Variants in PLCB4 observed in about 807,000 individuals in gnomAD.
The protein encoded by PLCB4 is phospholipase C beta 4.
In PLCB4, 77 loss-of-function variants were observed where a neutral mutation model predicts 178.8. That is an observed-to-expected ratio of 0.43 (90% CI 0.36 to 0.52). The LOEUF (loss-of-function observed/expected upper bound fraction) is 0.52, where lower values mean the gene tolerates loss of function less well. Ranked by LOEUF, PLCB4 falls within the 20% of genes least tolerant of loss-of-function variation. PLCB4 has a pLI of 0.00. For missense variants in PLCB4, 1,024 were observed against 1,453.4 expected (o/e 0.70, Z 4.80); for synonymous variants, 496 against 490.8 (o/e 1.01, Z -0.14).
chr20:9,307,725 A>T (rs2094787583), intron 3 of PLCB4, 75 bp from the exon 4 acceptor site: 1 of 597,872 alleles, frequency 1.7e-6, no homozygotes, highest in East Asian at 3.1e-5. Flanking sequence ...GCAAACACAG[A>T]AATGCGAAGT....
chr20:9,437,118 G>A lies in PLCB4; in HGVS notation c.2730G>A (p.Thr910=), dbSNP rs141128673. Residue 910 remains threonine, a synonymous_variant, in exon 30 of 40, where the codon ACG becomes ACA. Transcript: ENST00000378473. The part of the protein sequence containing the change: ...QSSSELRPTT[T]AALASGVEAK... ...GCTCTGAGCTCAGACCAACCACCAC[G>A]GCTGCCCTGGCCTCTGGTGTGGAAG... 1.5e-5 allele frequency: 24 copies of A among 1,614,098 alleles called. No homozygotes were observed. The highest frequency in any genetic ancestry group is 4.0e-5 in the African/African-American group (3 of 75,022).
chr20:9,426,288 T>G (rs746892250), intron 28 of PLCB4, among the ~76,000 whole-genome samples: 3 of 152,138 alleles, frequency 2.0e-5, no homozygotes, highest in Admixed American at 6.5e-5. Flanking sequence ...AGAGAGCAAT[T>G]CTGAGAACAC....
chr20:9,430,290 T>G (rs962221728), intron 28 of PLCB4, among the ~76,000 whole-genome samples: 1 of 152,206 alleles, frequency 6.6e-6, no homozygotes, highest in African/African-American at 2.4e-5. Flanking sequence ...CCTGCTAACT[T>G]TAGCCTTGCT....
chr20:9,334,680 A>G (rs2148044764), intron 4 of PLCB4, among the ~76,000 whole-genome samples: 1 of 152,228 alleles, frequency 6.6e-6, no homozygotes, highest in South Asian at 2.1e-4. Flanking sequence ...GCTGCTTTGG[A>G]AATAAGCTAG....
chr20:9,338,507 C>CTA (rs369526757), intron 6 of PLCB4, among the ~76,000 whole-genome samples: 2 of 152,156 alleles, frequency 1.3e-5, no homozygotes, highest in African/African-American at 2.4e-5. Context: ...TAGTGCAACC[C>CTA]TGTCTCTACA....
chr20:9,108,871 T>G (rs2091469209), intron 2 of PLCB4, among the ~76,000 whole-genome samples: 2 of 129,978 alleles, frequency 1.5e-5, no homozygotes, highest in African/African-American at 2.9e-5. Flanking sequence ...AGATACAGAG[T>G]GATGAGAGAG....
chr20:9,471,617 T>G (rs1367689350), intron 36 of PLCB4, among the ~76,000 whole-genome samples: 1 of 152,182 alleles, frequency 6.6e-6, no homozygotes, highest in Admixed American at 6.5e-5. Context: ...ATTACAGAAG[T>G]TCAAGAAGTT....
intron 32 of PLCB4, among the ~76,000 whole-genome samples, chr20:9,452,430 T>C (rs935006956): frequency 6.6e-6 from 1 of 152,186 alleles, no homozygotes; most frequent in Non-Finnish European, 1.5e-5. Flanking sequence ...ATTCCAGTCA[T>C]GAATAGCATC....
At chr20:9,122,447 GTTATCCCAGGAATC>G (rs1568790833) in intron 2 of PLCB4, among the ~76,000 whole-genome samples, 2 of 151,944 alleles carry the variant, frequency 1.3e-5, no homozygotes, top group African/African-American at 4.8e-5. Flanking sequence ...AGAATTATAA[GTTATCCCAGGAATC>G]TTCTGTTACT....
In PLCB4 at chr20:9,435,686, G is replaced by T. The variant is rs369806058; in HGVS notation, c.2613+38G>T. On this transcript the variant is annotated intron_variant, in intron 29 of 39. Transcript: ENST00000378473. ...GGTTGATTAAAGGTGGCCAAGTTGTGGGAGTTTGATTATCAAACAGTGTTT... is the reference window on the plus strand; with the variant it reads ...GGTTGATTAAAGGTGGCCAAGTTGTTGGAGTTTGATTATCAAACAGTGTTT... The T allele has an allele frequency of 5.1e-6, 6 of 1,180,516 alleles. No individual in the cohort carries two copies. The East Asian group carries it at 1.4e-4, about 28-fold the overall frequency. The allele number at this position is 1,180,516 out of a possible 1,614,324, so 73.1% of individuals were successfully genotyped here.
intron 3 of PLCB4, among the ~76,000 whole-genome samples, chr20:9,285,995 C>T (rs2094533491): frequency 6.6e-6 from 1 of 151,990 alleles, no homozygotes; most frequent in Non-Finnish European, 1.5e-5. Flanking sequence ...TGGGGAAACT[C>T]CTTGAAATAT....
At chr20:9,272,189 CA>C (rs398035324) in intron 3 of PLCB4, among the ~76,000 whole-genome samples, 90 of 141,352 alleles carry the variant, frequency 6.4e-4, no homozygotes, top group African/African-American at 7.7e-4. Context: ...GCACCCCCCT[CA>C]AAAAAAAAAA....
At chr20:9,230,145 T>G (rs575013766) in intron 3 of PLCB4, among the ~76,000 whole-genome samples, 1 of 152,280 alleles carries the variant, frequency 6.6e-6, no homozygotes, top group African/African-American at 2.4e-5. Context: ...CTGTGTACAC[T>G]CACATTCCTG....
At chr20:9,342,335 A>G (rs1208136725) in intron 7 of PLCB4, among the ~76,000 whole-genome samples, 7 of 152,158 alleles carry the variant, frequency 4.6e-5, no homozygotes, top group Admixed American at 6.5e-5. Context: ...GAGATTTCCC[A>G]GGGTACATGA....
chr20:9,242,104 T>C (rs1416527588), intron 3 of PLCB4, among the ~76,000 whole-genome samples: 1 of 152,198 alleles, frequency 6.6e-6, no homozygotes, highest in East Asian at 1.9e-4. Flanking sequence ...TGTTTTCTCA[T>C]TCTGTTGGCC....
Position 9,365,105 on chromosome 20 carries a change from C to T in PLCB4, c.450-356C>T, listed in dbSNP as rs146507138. Among the ~76,000 whole-genome samples, 151 of 152,210 alleles carry T rather than the reference C, an allele frequency of 9.9e-4. 2 individuals carry two copies. In the Middle Eastern group the frequency reaches 0.014, roughly 14 times the overall value. ...CAATGTGTTTTGCTCAATGGAGGCA[C>T]CCAGTCATCTCATTTAGCTAGGGTT... On this transcript the variant is annotated intron_variant, in intron 8 of 39. Transcript: ENST00000378473.
intron 3 of PLCB4, among the ~76,000 whole-genome samples, chr20:9,283,356 T>C (rs984312544): frequency 1.3e-5 from 2 of 151,976 alleles, no homozygotes; most frequent in East Asian, 3.9e-4. Context: ...TTGAGGCCTT[T>C]CAGAGTTAGC....
At chr20:9,338,090 T>C (rs959914081) in intron 6 of PLCB4, 23 bp downstream of exon 6, 40 of 1,529,776 alleles carry the variant, frequency 2.6e-5, no homozygotes, top group Non-Finnish European at 3.6e-5. Context: ...GGTATTTGCT[T>C]TTCTAAACAC....
intron 2 of PLCB4, among the ~76,000 whole-genome samples, chr20:9,142,524 G>A (rs1396358361): frequency 6.6e-6 from 1 of 152,104 alleles, no homozygotes; most frequent in Non-Finnish European, 1.5e-5. Context: ...AAACTTGGGA[G>A]TTTTACTAGG....
Sources: gnomAD v4.1 joint callset for allele counts (sites outside exome capture counted in the v4.1 genomes callset) on GRCh38, gnomAD v4.1.1 for gene constraint, MANE v1.5 for transcripts, NCBI Gene and HGNC (gene_info 2026-07-23, HGNC 2026-07-21) for gene names.